SLC24A2: variants seen among roughly 807,000 people sequenced by gnomAD.
SLC24A2 encodes sodium/potassium/calcium exchanger 2.
Under a neutral mutation model 62.0 loss-of-function variants are expected in SLC24A2, and 36 were observed. That is an observed-to-expected ratio of 0.58 (90% CI 0.44 to 0.77). The LOEUF is 0.77. Among genes scored for constraint, SLC24A2 ranks in the 30% least tolerant of loss-of-function variants. The pLI is 0.00. For synonymous variants in SLC24A2, 358 were observed against 294.0 expected, an observed-to-expected ratio of 1.22 and a Z score of -2.23; for missense variants, 846 against 817.9, an observed-to-expected ratio of 1.03 and a Z score of -0.42.
chr9:19,567,583 ATAATTTT>A (rs1835708804), intron 7 of SLC24A2, among the ~76,000 whole-genome samples: 1 of 150,562 alleles, frequency 6.6e-6, no homozygotes, highest in Non-Finnish European at 1.5e-5. Context: ...ATATGTTCTT[ATAATTTT>A]ATCTTTCCTT....
chr9:20,013,948 C>T, the SLC24A2 span, among the ~76,000 whole-genome samples: 1 of 152,258 alleles, frequency 6.6e-6, no homozygotes, highest in Non-Finnish European at 1.5e-5. Flanking sequence ...GTGGTTCATG[C>T]CTGTTATCCT....
chr9:20,053,052 C>T, the SLC24A2 span, among the ~76,000 whole-genome samples: 1 of 152,168 alleles, frequency 6.6e-6, no homozygotes, highest in African/African-American at 2.4e-5. Context: ...ATATTTGAAA[C>T]TGACTGAGAT....
the SLC24A2 span, among the ~76,000 whole-genome samples, chr9:19,851,391 A>G: frequency 8.0e-3 from 1,214 of 152,158 alleles, 22 homozygotes; most frequent in African/African-American, 0.028. Flanking sequence ...GGTTTATTAC[A>G]TAGGTAAATG....
At chr9:19,792,443 C>A (rs953251282), upstream of SLC24A2, among the ~76,000 whole-genome samples, 2 of 151,184 alleles carry the variant, frequency 1.3e-5, no homozygotes, top group Non-Finnish European at 2.9e-5. Flanking sequence ...GCCTTTAATC[C>A]CAGCACTTTA....
the SLC24A2 span, among the ~76,000 whole-genome samples, chr9:20,111,898 T>A: frequency 1.3e-5 from 2 of 152,156 alleles, no homozygotes; most frequent in Non-Finnish European, 2.9e-5. Context: ...AGTTGAAGAA[T>A]CTTGTGTAAA....
the SLC24A2 span, among the ~76,000 whole-genome samples, chr9:20,083,315 C>T: frequency 2.0e-5 from 3 of 152,190 alleles, no homozygotes; most frequent in Non-Finnish European, 4.4e-5. Context: ...CCAGCAGTTG[C>T]GCTGCACCTT....
At chr9:19,698,654 G>C (rs1437438902) in intron 2 of SLC24A2, among the ~76,000 whole-genome samples, 2 of 152,104 alleles carry the variant, frequency 1.3e-5, no homozygotes, top group African/African-American at 2.4e-5. Flanking sequence ...GTGCACTCTG[G>C]GGATATAAAG....
At chr9:19,900,977 C>A in the SLC24A2 span, among the ~76,000 whole-genome samples, 2 of 152,224 alleles carry the variant, frequency 1.3e-5, no homozygotes, top group Admixed American at 1.3e-4. Flanking sequence ...TAGTGCAGAG[C>A]AAAAGTTGGC....
chr9:20,225,775 T>A, the SLC24A2 span, among the ~76,000 whole-genome samples: 4 of 151,156 alleles, frequency 2.6e-5, no homozygotes, highest in Non-Finnish European at 4.4e-5. Flanking sequence ...AACTGTTAGA[T>A]GTTAATAATA....
At chr9:20,052,592 C>T in the SLC24A2 span, among the ~76,000 whole-genome samples, 1 of 152,142 alleles carries the variant, frequency 6.6e-6, no homozygotes, top group Non-Finnish European at 1.5e-5. Flanking sequence ...GCCTCATTCT[C>T]TCCTCCATTT....
At chr9:19,698,874 TC>T (rs1820275080) in intron 2 of SLC24A2, among the ~76,000 whole-genome samples, 1 of 152,178 alleles carries the variant, frequency 6.6e-6, no homozygotes, top group Non-Finnish European at 1.5e-5. Flanking sequence ...GTATGGCATA[TC>T]ACACTTCCAT....
At chr9:20,208,274 C>T in the SLC24A2 span, among the ~76,000 whole-genome samples, 1 of 152,132 alleles carries the variant, frequency 6.6e-6, no homozygotes, top group South Asian at 2.1e-4. Context: ...GGAAAGCAGG[C>T]ATTTGCCAGC....
At chr9:20,126,727 T>C in the SLC24A2 span, among the ~76,000 whole-genome samples, 1 of 152,170 alleles carries the variant, frequency 6.6e-6, no homozygotes, top group Non-Finnish European at 1.5e-5. Context: ...GACAGTACAA[T>C]TAAACACACA....
At chr9:19,836,884 T>C in the SLC24A2 span, among the ~76,000 whole-genome samples, 2 of 152,140 alleles carry the variant, frequency 1.3e-5, no homozygotes, top group Non-Finnish European at 2.9e-5. Flanking sequence ...TCCACCATGA[T>C]CAAGTGGGCT....
chr9:19,743,029 G>A (rs1405627619), intron 2 of SLC24A2, among the ~76,000 whole-genome samples: 1 of 152,168 alleles, frequency 6.6e-6, no homozygotes, highest in Non-Finnish European at 1.5e-5. Context: ...TCGATGACGG[G>A]CTTAGGAAAA....
intron 4 of SLC24A2, among the ~76,000 whole-genome samples, chr9:19,608,791 CAT>C (rs1259492917): frequency 5.9e-5 from 9 of 151,264 alleles, no homozygotes; most frequent in South Asian, 4.2e-4. Context: ...CACACACACA[CAT>C]ACACACACAC....
the SLC24A2 span, among the ~76,000 whole-genome samples, chr9:19,953,018 G>A: frequency 6.6e-6 from 1 of 151,872 alleles, no homozygotes; most frequent in Non-Finnish European, 1.5e-5. Context: ...AAATACTTGG[G>A]TCATTTCATC....
the SLC24A2 span, among the ~76,000 whole-genome samples, chr9:19,918,102 G>A: frequency 1.6e-4 from 24 of 150,846 alleles, no homozygotes; most frequent in African/African-American, 5.4e-4. Context: ...ATTATCCTTC[G>A]AAATAATCAT....
the SLC24A2 span, among the ~76,000 whole-genome samples, chr9:20,272,371 C>T: frequency 8.5e-5 from 13 of 152,210 alleles, no homozygotes; most frequent in African/African-American, 3.1e-4. Flanking sequence ...TCGACCCGTC[C>T]CTTAATGTGG....
Sources: gnomAD v4.1 joint callset for allele counts (sites outside exome capture counted in the v4.1 genomes callset) on GRCh38, gnomAD v4.1.1 for gene constraint, MANE v1.5 for transcripts, NCBI Gene and HGNC (gene_info 2026-07-23, HGNC 2026-07-21) for gene names.